SYNE2: variants seen among roughly 807,000 people sequenced by gnomAD.
SYNE2 encodes spectrin repeat containing nuclear envelope protein 2.
SYNE2 carries 431 observed loss-of-function variants against 856.3 expected under a neutral mutation model. The ratio of observed to expected loss-of-function variants is 0.50; its 90% CI spans 0.47 to 0.55. The LOEUF (loss-of-function observed/expected upper bound fraction) is 0.55, where lower values mean the gene tolerates loss of function less well. Ranked by LOEUF, SYNE2 falls within the 20% of genes least tolerant of loss-of-function variation. The probability of loss-of-function intolerance (pLI) is 0.00; values close to 1 mark genes in which losing one functional copy is unlikely to be tolerated. For synonymous variants in SYNE2, 2,923 were observed against 2,872.3 expected (o/e 1.02, Z -0.56); for missense variants, 8,129 against 8,023.2 (o/e 1.01, Z -0.50).
At chr14:63,795,232 C>T (rs1887877894) in intron 1 of SYNE2, among the ~76,000 whole-genome samples, 1 of 151,964 alleles carries the variant, frequency 6.6e-6, no homozygotes. Context: ...GAAGGCAGAC[C>T]CACCCTTAAT....
At chr14:63,927,582 C>A (rs1244897428) in intron 2 of SYNE2, among the ~76,000 whole-genome samples, 1 of 152,036 alleles carries the variant, frequency 6.6e-6, no homozygotes, top group Non-Finnish European at 1.5e-5. Context: ...CTCATTCTCT[C>A]TTGTCTGCCA....
At chr14:63,998,475 A>T in intron 26 of SYNE2, 147 bp downstream of exon 26, 1 of 621,628 alleles carries the variant, frequency 1.6e-6, no homozygotes, top group East Asian at 2.8e-5. Context: ...ATTTTCTCAC[A>T]CGCAGTTGAC....
intron 2 of SYNE2, among the ~76,000 whole-genome samples, chr14:63,938,942 G>A (rs1049290344): frequency 5.3e-5 from 8 of 152,196 alleles, no homozygotes; most frequent in Non-Finnish European, 8.8e-5. Flanking sequence ...GCGTGTGTGT[G>A]CGTGTGTGCA....
chr14:64,047,461 G>A (rs117007801), intron 45 of SYNE2, among the ~76,000 whole-genome samples: 3,068 of 152,262 alleles, frequency 0.02, 44 homozygotes, highest in Non-Finnish European at 0.029. Flanking sequence ...TTCTCAGTCC[G>A]GTCCTAGGAA....
At chr14:64,129,735 T>C (rs946556966) in intron 74 of SYNE2, 47 bp from the exon 75 acceptor site, 10 of 1,612,522 alleles carry the variant, frequency 6.2e-6, no homozygotes, top group Admixed American at 5.0e-5. Context: ...TGTGTACTTC[T>C]CTGACTTACT....
intron 16 of SYNE2, 65 bp from the exon 17 acceptor site, chr14:63,982,565 G>T (rs2153474955): frequency 1.4e-3 from 1,584 of 1,097,338 alleles, no homozygotes; most frequent in Non-Finnish European, 2.0e-3. Flanking sequence ...GGTGAACATT[G>T]ATTATACATA....
intron 1 of SYNE2, among the ~76,000 whole-genome samples, chr14:63,827,277 C>CAAA (rs397960370): frequency 6.2e-5 from 8 of 128,954 alleles, no homozygotes; most frequent in Admixed American, 1.6e-4. Context: ...GACTCTGTCT[C>CAAA]AAAAAAAAAA....
intron 6 of SYNE2, among the ~76,000 whole-genome samples, chr14:63,947,038 TG>T (rs1376401507): frequency 2.0e-5 from 3 of 152,062 alleles, no homozygotes; most frequent in Non-Finnish European, 4.4e-5. Context: ...TTAGTAGAGA[TG>T]GGGTTTCGCC....
chr14:64,098,632 G>A, intron 62 of SYNE2, 115 bp from the exon 63 acceptor site: 1 of 1,013,806 alleles, frequency 9.9e-7, no homozygotes, highest in Non-Finnish European at 1.5e-6. Context: ...TGTGGGGGTG[G>A]GCATCTTGGA....
intron 78 of SYNE2, among the ~76,000 whole-genome samples, chr14:64,134,599 A>G (rs1465482148): frequency 6.6e-6 from 1 of 152,202 alleles, no homozygotes; most frequent in Non-Finnish European, 1.5e-5. Flanking sequence ...CTCTAAACAT[A>G]TATTTCGTTT....
At chr14:64,157,351 C>T (rs1346959458) in intron 85 of SYNE2, among the ~76,000 whole-genome samples, 1 of 152,116 alleles carries the variant, frequency 6.6e-6, no homozygotes, top group East Asian at 1.9e-4. Context: ...GCTATATAGC[C>T]TTTTGGGTCT....
intron 1 of SYNE2, among the ~76,000 whole-genome samples, chr14:63,790,941 T>G (rs531926524): frequency 1.3e-5 from 2 of 152,074 alleles, no homozygotes; most frequent in Non-Finnish European, 2.9e-5. Context: ...GATTCCTATG[T>G]CTGAAGATTA....
chr14:64,003,009 C>T lies in SYNE2; in HGVS notation c.4076C>T (p.Thr1359Ile), dbSNP rs2153505859. 2 of 1,614,012 alleles carry T rather than the reference C, an allele frequency of 1.2e-6. No individual in the cohort carries two copies. Among genetic ancestry groups the T allele is most frequent in the Non-Finnish European group, 8.5e-7 (1 of 1,180,008 alleles). The change falls in exon 30 of 116, where the codon ACA becomes ATA. Residue 1359 changes from threonine to isoleucine, a missense_variant. Physicochemically the swap from Thr to Ile is moderately conservative, Grantham distance 89 (BLOSUM62 -1). This residue lies in a region of SYNE2 where 2,422 missense variants were observed against 2,357.4 expected (regional missense o/e 1.03). Transcript: ENST00000555002. ...DTQVAQENTL[T>I]VKNKEGEIHL... ...CAGGTGGCACAAGAAAATACGTTGACAGTAAAAAATAAAGAGGGAGAAATT... is the reference window on the plus strand; with the variant it reads ...CAGGTGGCACAAGAAAATACGTTGATAGTAAAAAATAAAGAGGGAGAAATT...
intron 77 of SYNE2, 108 bp downstream of exon 77, chr14:64,132,546 T>A (rs2098033272): frequency 7.0e-7 from 1 of 1,426,642 alleles, no homozygotes; most frequent in African/African-American, 1.4e-5. Context: ...TATAGTTAAA[T>A]GGAAGCCTGA....
At chr14:64,080,742 G>A in intron 56 of SYNE2, 104 bp downstream of exon 56, 5 of 1,444,888 alleles carry the variant, frequency 3.5e-6, no homozygotes, top group Non-Finnish European at 4.8e-6. Context: ...TGAATTATCA[G>A]TTTTGGACTT....
chr14:63,948,434 C>A (rs2096071456), intron 6 of SYNE2, among the ~76,000 whole-genome samples: 1 of 151,886 alleles, frequency 6.6e-6, no homozygotes, highest in African/African-American at 2.4e-5. Flanking sequence ...GAGGCTGAGG[C>A]AGGCAGATCA....
At chr14:64,125,289 A>C (rs1210350122) in intron 71 of SYNE2, 79 bp downstream of exon 71, 4 of 1,589,502 alleles carry the variant, frequency 2.5e-6, no homozygotes, top group Non-Finnish European at 3.4e-6. Flanking sequence ...CTTGGTCATA[A>C]TTGTCGTCAC....
Position 64,112,999 on chromosome 14 carries a change from A to C in SYNE2, c.12610-342A>C, listed in dbSNP as rs77360626. 1,285 of 985,370 alleles carry C rather than the reference A, an allele frequency of 1.3e-3. 16 individuals carry two copies. In the African/African-American group the frequency reaches 0.021, roughly 16 times the overall value. 61.0% of individuals were successfully genotyped at this position (985,370 alleles called of 1,614,324 possible). On this transcript the variant is annotated intron_variant, in intron 65 of 115. Coordinates refer to ENST00000555002, the MANE Select transcript of SYNE2 (RefSeq NM_182914.3). Reference sequence around the variant, plus strand: ...AATCATGTGTCACGTAACGCTAAACACTGGCCAATTCCCTTAAATGTTTCG... The same window carrying C: ...AATCATGTGTCACGTAACGCTAAACCCTGGCCAATTCCCTTAAATGTTTCG...
At position 64,002,957 on chromosome 14, in the gene SYNE2, G is replaced by A. The variant is rs747274988; in HGVS notation, c.4024G>A (p.Val1342Ile). The change falls in exon 30 of 116, where the codon GTT becomes ATT. Residue 1342 changes from valine to isoleucine, a missense_variant. This residue lies in a region of SYNE2 where 2,422 missense variants were observed against 2,357.4 expected (regional missense o/e 1.03). Transcript: ENST00000555002. ...AACAGCTAAACTCTCTGCTGAGCCC[G>A]TTACAGACCTTTCAGCCTCAGATAC... ...LRTAKLSAEPVTDLSASDTQV... is the reference protein window; with the variant it reads ...LRTAKLSAEPITDLSASDTQV... 3.7e-5 allele frequency: 59 copies of A among 1,614,174 alleles called. 1 individual carries two copies. The highest frequency in any genetic ancestry group is 8.8e-5 in the South Asian group (8 of 91,080).
Sources: allele counts gnomAD v4.1 joint callset (sites outside exome capture counted in the v4.1 genomes callset), GRCh38; gene constraint gnomAD v4.1.1; regional missense constraint gnomAD v4.1.1; transcripts MANE v1.5; gene names NCBI Gene and HGNC (gene_info 2026-07-23, HGNC 2026-07-21).